SATB1: variants seen among roughly 807,000 people sequenced by gnomAD.
SATB1 encodes the protein DNA-binding protein SATB1.
A neutral mutation model predicts 86.9 loss-of-function variants in SATB1; 11 were observed. The observed-to-expected ratio is 0.13, with a 90% CI of 0.08 to 0.21. The LOEUF (loss-of-function observed/expected upper bound fraction) is 0.21, where lower values mean the gene tolerates loss of function less well. Among genes scored for constraint, SATB1 ranks in the 10% least tolerant of loss-of-function variants. The probability of loss-of-function intolerance (pLI) is 1.00; values close to 1 mark genes in which losing one functional copy is unlikely to be tolerated. For synonymous variants in SATB1, 357 were observed against 357.2 expected (o/e 1.00, Z 0.01); for missense variants, 551 against 937.6 (o/e 0.59, Z 5.39).
At position 18,347,007 on chromosome 3, in the gene SATB1, T is replaced by C. The variant is rs1694090986; in HGVS notation, c.*2163A>G. The stretch of plus-strand genomic sequence containing the variant: ...GGCAACTTTTCAGTACAATTTTAAG[T>C]TTGCAACAAACCAGCTGCCTTCAGA... On this transcript the variant is annotated 3_prime_UTR_variant, in exon 11 of 11. Transcript: ENST00000338745. 1 of 152,202 alleles carries C rather than the reference T, an allele frequency of 6.6e-6. No homozygotes were observed. Among genetic ancestry groups the C allele is most frequent in the South Asian group, 2.1e-4 (1 of 4,826 alleles). 9.4% of individuals were successfully genotyped at this position (152,202 alleles called of 1,614,324 possible).
chr3:18,408,023 A>G (rs1697635796), intron 5 of SATB1, among the ~76,000 whole-genome samples: 1 of 152,076 alleles, frequency 6.6e-6, no homozygotes, highest in Admixed American at 6.6e-5. Flanking sequence ...TCAGATAAGA[A>G]TGTGATCTCA....
intron 8 of SATB1, among the ~76,000 whole-genome samples, chr3:18,378,610 G>A (rs891894625): frequency 2.6e-5 from 4 of 152,094 alleles, no homozygotes; most frequent in African/African-American, 9.7e-5. Context: ...TAGTTTCAAA[G>A]ACTTGAAAAC....
intron 3 of SATB1, 25 bp downstream of exon 3, chr3:18,416,877 C>T (rs1422652302): frequency 6.4e-7 from 1 of 1,560,248 alleles, no homozygotes; most frequent in East Asian, 2.3e-5. Flanking sequence ...AGCAATTTTT[C>T]CAACCCCACG....
Position 18,394,969 on chromosome 3 carries a change from T to C in SATB1, c.752-53A>G. On this transcript the variant is annotated intron_variant, in intron 6 of 10. Coordinates refer to ENST00000338745, the MANE Select transcript of SATB1 (RefSeq NM_002971.6). The surrounding 1 kb of genome is among the most constrained non-coding windows in gnomAD (Gnocchi z 5.9). Reference sequence around the variant, plus strand: ...TTCAGCCAACAATGATTGGCATTGATAAAGATTTCTAACCATTTCCTAAAT... The same window carrying C: ...TTCAGCCAACAATGATTGGCATTGACAAAGATTTCTAACCATTTCCTAAAT... 7.5e-7 allele frequency: 1 copy of C among 1,329,868 alleles called. No homozygotes were observed. Among genetic ancestry groups the C allele is most frequent in the Non-Finnish European group, 1.0e-6 (1 of 982,038 alleles). The allele number at this position is 1,329,868 out of a possible 1,614,324, so 82.4% of individuals were successfully genotyped here. A position where few individuals can be genotyped will look rare whatever the true frequency, so the allele number is the denominator to read the frequency against.
intron 9 of SATB1, among the ~76,000 whole-genome samples, chr3:18,369,313 C>T (rs541350144): frequency 6.6e-6 from 1 of 151,734 alleles, no homozygotes; most frequent in Admixed American, 6.6e-5. Flanking sequence ...CCCTACCCAC[C>T]CCCCTCCACA....
chr3:18,360,396 T>C (rs1575087853), intron 9 of SATB1, among the ~76,000 whole-genome samples: 1 of 152,134 alleles, frequency 6.6e-6, no homozygotes, highest in African/African-American at 2.4e-5. Flanking sequence ...GGGGCTGTTT[T>C]CGAGGTTCCT....
At chr3:18,379,374 G>C (rs552312931) in intron 8 of SATB1, among the ~76,000 whole-genome samples, 1 of 152,234 alleles carries the variant, frequency 6.6e-6, no homozygotes, top group South Asian at 2.1e-4. Context: ...AATTACTACA[G>C]ATACAAAACC....
intron 9 of SATB1, among the ~76,000 whole-genome samples, chr3:18,371,936 C>T (rs1695496178): frequency 6.6e-6 from 1 of 152,186 alleles, no homozygotes; most frequent in Admixed American, 6.5e-5. Flanking sequence ...TGTTGATTTG[C>T]TGTTTTCCCT....
intron 5 of SATB1, among the ~76,000 whole-genome samples, chr3:18,403,060 A>C (rs924566757): frequency 6.6e-6 from 1 of 152,114 alleles, no homozygotes; most frequent in Non-Finnish European, 1.5e-5. Flanking sequence ...GATAGTTATA[A>C]ATATTCAAAA....
chr3:18,362,860 CA>C lies in SATB1; in HGVS notation c.1576-10666del, dbSNP rs35470564. Among the ~76,000 whole-genome samples, 59 of 32,306 alleles carry C rather than the reference CA, an allele frequency of 1.8e-3. 2 individuals are homozygous for C. The highest frequency in any genetic ancestry group is 1.2e-3 in the East Asian group (1 of 842). The allele number at this position is 32,306 out of a possible 152,430, so 21.2% of individuals were successfully genotyped here. ...GCTGAATATTCATATATGCCATGTG[CA>C]AAAAAAAAAAAAAAAAAAAACCAAA... is the stretch of plus-strand genomic sequence containing the variant. On this transcript the variant is annotated intron_variant, in intron 9 of 10. Transcript: ENST00000338745.
At position 18,349,970 on chromosome 3, in the gene SATB1, A is replaced by G. The variant is rs1451048133; in HGVS notation, c.1780-288T>C. 2.3e-6 allele frequency: 1 copy of G among 441,926 alleles called. No homozygotes were observed. Among genetic ancestry groups the G allele is most frequent in the Non-Finnish European group, 3.9e-6 (1 of 254,058 alleles). 27.4% of individuals were successfully genotyped at this position (441,926 alleles called of 1,614,324 possible). On this transcript the variant is annotated intron_variant, in intron 10 of 10. Transcript: ENST00000338745. This position sits in a 1 kb window ranked among gnomAD's most constrained non-coding sequence, Gnocchi z 5.5. ...ACTCAGTGCTCTGAAAATGTGAGCC[A>G]TAAAATTCACTAGAATGATACGCAT...
At chr3:18,445,168 G>T (rs1434935953) in intron 1 of SATB1, 7 of 937,400 alleles carry the variant, frequency 7.5e-6, no homozygotes, top group Non-Finnish European at 7.6e-6. Context: ...GCTGGCCAGC[G>T]GGGCGGCCAG....
chr3:18,373,010 T>TG (rs1431773270), intron 9 of SATB1, among the ~76,000 whole-genome samples: 10 of 152,210 alleles, frequency 6.6e-5, no homozygotes, highest in Non-Finnish European at 1.0e-4. Context: ...CTGTCTTACT[T>TG]GTCTTCTTGT....
intron 2 of SATB1, among the ~76,000 whole-genome samples, chr3:18,431,268 C>A (rs866873489): frequency 1.3e-5 from 2 of 152,134 alleles, no homozygotes; most frequent in Non-Finnish European, 2.9e-5. Context: ...TTTCTGCTAT[C>A]TTCTTTAACG....
At chr3:18,388,325 CAAAAA>C (rs200115186) in intron 7 of SATB1, among the ~76,000 whole-genome samples, 2 of 144,300 alleles carry the variant, frequency 1.4e-5, no homozygotes, top group South Asian at 4.3e-4. Context: ...ATTCAGGTCT[CAAAAA>C]AAAAAAGTTT....
chr3:18,437,939 T>C (rs1441725843), intron 1 of SATB1, among the ~76,000 whole-genome samples: 2 of 152,150 alleles, frequency 1.3e-5, no homozygotes, highest in African/African-American at 2.4e-5. Flanking sequence ...AAGAATCACA[T>C]AGCCTTGTTG....
At chr3:18,379,946 G>A (rs762187445) in intron 8 of SATB1, among the ~76,000 whole-genome samples, 6 of 152,148 alleles carry the variant, frequency 3.9e-5, no homozygotes, top group Admixed American at 6.5e-5. Flanking sequence ...ATTAATGACT[G>A]GAGGCCACTA....
upstream of SATB1, among the ~76,000 whole-genome samples, chr3:18,428,682 T>C (rs4973715): frequency 0.077 from 11,672 of 152,274 alleles, 641 homozygotes; most frequent in South Asian, 0.13. Context: ...ACATGAACTA[T>C]TTAACATGTG....
intron 7 of SATB1, among the ~76,000 whole-genome samples, chr3:18,388,677 AGTT>A (rs1212501594): frequency 6.6e-6 from 1 of 152,162 alleles, no homozygotes; most frequent in Non-Finnish European, 1.5e-5. Flanking sequence ...TTCTAGTAGT[AGTT>A]ATTAGCACTC....
Sources: allele counts gnomAD v4.1 joint callset (sites outside exome capture counted in the v4.1 genomes callset), GRCh38; gene constraint gnomAD v4.1.1; non-coding constraint Gnocchi (gnomAD v3.1); transcripts MANE v1.5; gene names NCBI Gene and HGNC (gene_info 2026-07-23, HGNC 2026-07-21).